The following TOX2 variants were observed in gnomAD, a reference collection of about 807,000 sequenced individuals.
TOX2 encodes the protein TOX high mobility group box family member 2.
Under a neutral mutation model 47.4 loss-of-function variants are expected in TOX2, and 15 were observed. The ratio of observed to expected loss-of-function variants is 0.32; its 90% CI spans 0.21 to 0.49. TOX2 has a LOEUF of 0.49. Ranked by LOEUF, TOX2 falls within the 20% of genes least tolerant of loss-of-function variation. The pLI is 0.99. For synonymous variants in TOX2, 290 were observed against 296.6 expected, an observed-to-expected ratio of 0.98 and a Z score of 0.23; for missense variants, 622 against 673.1, an observed-to-expected ratio of 0.92 and a Z score of 0.84.
At chr20:43,984,238 TC>T (rs2070223687) in intron 2 of TOX2, among the ~76,000 whole-genome samples, 1 of 152,224 alleles carries the variant, frequency 6.6e-6, no homozygotes, top group Non-Finnish European at 1.5e-5. Flanking sequence ...AGAACATGAT[TC>T]ATGAGTTCTG....
chr20:43,945,673 TCTG>T, intron 1 of TOX2: 1 of 483,850 alleles, frequency 2.1e-6, no homozygotes, highest in African/African-American at 2.0e-5. Flanking sequence ...TGCCTCCCCT[TCTG>T]CTCCCCGAGA....
intron 5 of TOX2, among the ~76,000 whole-genome samples, chr20:44,061,537 A>AAGGCCGAGGCGGG (rs2071718869): frequency 6.6e-6 from 1 of 152,136 alleles, no homozygotes; most frequent in African/African-American, 2.4e-5. Context: ...AATTGAAAGC[A>AAGGCCGAGGCGGG]TTCCCCTTGA....
At position 43,922,923 on chromosome 20, in the gene TOX2, C is replaced by T. The variant is rs562430431; in HGVS notation, c.99+7933C>T. ...AAAGTTTTATTTACTGGGTGAATGG[C>T]TATGTGGATTTGTAATCAATTGGCT... is the stretch of plus-strand genomic sequence containing the variant. On this transcript the variant is annotated intron_variant, in intron 1 of 8. Coordinates refer to ENST00000341197, the MANE Select transcript of TOX2 (RefSeq NM_001098797.2). Among the ~76,000 whole-genome samples, 22 of 152,220 alleles carry T rather than the reference C, an allele frequency of 1.4e-4. 1 individual carries two copies. In the South Asian group the frequency reaches 4.6e-3, roughly 32 times the overall value.
chr20:43,993,011 A>G (rs2070397926), intron 2 of TOX2, among the ~76,000 whole-genome samples: 2 of 152,124 alleles, frequency 1.3e-5, no homozygotes, highest in African/African-American at 2.4e-5. Flanking sequence ...TTCCTCCACC[A>G]GTGGCTCGAG....
intron 3 of TOX2, among the ~76,000 whole-genome samples, chr20:44,026,228 GATATATATAT>G (rs6147358): frequency 1.7e-5 from 1 of 60,244 alleles, no homozygotes; most frequent in Admixed American, 1.3e-4. Flanking sequence ...AAGAAACTGT[GATATATATAT>G]ATATATATAT....
rs148246263 is a variant in TOX2, at chr20:44,020,893, C to A, written c.411+14101C>A. On this transcript the variant is annotated intron_variant, in intron 3 of 8. Coordinates refer to ENST00000341197, the MANE Select transcript of TOX2 (RefSeq NM_001098797.2). ...AGGATGGTTGCAGACTTTTTCCCCC[C>A]AGAGGAACTCGAGGACCGACACCTC... Among the ~76,000 whole-genome samples the A allele has an allele frequency of 3.0e-3, 461 of 152,258 alleles. 1 individual carries two copies. Among genetic ancestry groups the A allele is most frequent in the African/African-American group, 0.01 (425 of 41,540 alleles).
chr20:44,015,301 A>G (rs1238794977), intron 3 of TOX2, among the ~76,000 whole-genome samples: 3 of 152,216 alleles, frequency 2.0e-5, no homozygotes, highest in Non-Finnish European at 4.4e-5. Flanking sequence ...AAATGGCTTT[A>G]AACAGCTTTT....
intron 3 of TOX2, among the ~76,000 whole-genome samples, chr20:44,023,284 G>T (rs1271557395): frequency 6.6e-6 from 1 of 151,636 alleles, no homozygotes; most frequent in Non-Finnish European, 1.5e-5. Context: ...CAAAAATTTA[G>T]CTGGATGTGG....
intron 2 of TOX2, among the ~76,000 whole-genome samples, chr20:43,989,826 A>G (rs1226274078): frequency 6.6e-6 from 1 of 151,654 alleles, no homozygotes; most frequent in Non-Finnish European, 1.5e-5. Flanking sequence ...ATCATCTCAT[A>G]GTTACTGCAT....
intron 1 of TOX2, chr20:43,946,162 A>G: frequency 1.4e-6 from 2 of 1,417,556 alleles, no homozygotes; most frequent in Non-Finnish European, 1.9e-6. Context: ...CACATTCTGG[A>G]ATGAAGATGC....
intron 3 of TOX2, among the ~76,000 whole-genome samples, chr20:44,029,349 G>A (rs1360390192): frequency 6.6e-6 from 1 of 152,222 alleles, no homozygotes; most frequent in African/African-American, 2.4e-5. Context: ...GTGGGTAAGA[G>A]GATGTGGTGA....
At chr20:44,052,767 C>A (rs1039245571) in intron 4 of TOX2, among the ~76,000 whole-genome samples, 5 of 152,164 alleles carry the variant, frequency 3.3e-5, no homozygotes, top group Admixed American at 3.3e-4. Context: ...TGTCACACAG[C>A]TAGTAAGTGG....
intron 2 of TOX2, among the ~76,000 whole-genome samples, chr20:43,982,387 C>T (rs1289175042): frequency 3.3e-5 from 5 of 152,096 alleles, no homozygotes; most frequent in African/African-American, 1.2e-4. Context: ...AAGGACACAA[C>T]AGCTTTTTTT....
intron 3 of TOX2, among the ~76,000 whole-genome samples, chr20:44,044,799 G>A (rs1448302324): frequency 6.6e-6 from 1 of 152,164 alleles, no homozygotes; most frequent in East Asian, 1.9e-4. Flanking sequence ...AGAATTGAAA[G>A]CAGAGGCTCC....
intron 1 of TOX2, among the ~76,000 whole-genome samples, chr20:43,943,587 A>G (rs1309649039): frequency 6.6e-6 from 1 of 152,178 alleles, no homozygotes; most frequent in Admixed American, 6.5e-5. Context: ...TCCTGATCAC[A>G]CATTGCTCCA....
intron 2 of TOX2, among the ~76,000 whole-genome samples, chr20:43,995,051 G>A (rs138107268): frequency 1.3e-4 from 19 of 151,676 alleles, no homozygotes; most frequent in East Asian, 3.9e-4. Context: ...CAGAATCCAC[G>A]CTTCATTTTA....
intron 1 of TOX2, among the ~76,000 whole-genome samples, chr20:43,945,087 C>T (rs917986542): frequency 6.6e-6 from 1 of 152,018 alleles, no homozygotes; most frequent in African/African-American, 2.4e-5. Flanking sequence ...TGGAAAGGAA[C>T]CAGGGGAGGT....
chr20:43,923,006 T>C (rs866694596), intron 1 of TOX2, among the ~76,000 whole-genome samples: 4 of 115,258 alleles, frequency 3.5e-5, no homozygotes, highest in African/African-American at 8.1e-5. Flanking sequence ...ATGCCGGGAG[T>C]GTGGGAAGGT....
chr20:44,010,710 C>T (rs59328657), intron 3 of TOX2, among the ~76,000 whole-genome samples: 1,822 of 152,196 alleles, frequency 0.012, 36 homozygotes, highest in African/African-American at 0.041. Context: ...GGCTTTCAAA[C>T]GTTTTCTTGC....
Sources: gnomAD v4.1 joint callset for allele counts (sites outside exome capture counted in the v4.1 genomes callset) on GRCh38, gnomAD v4.1.1 for gene constraint, MANE v1.5 for transcripts, NCBI Gene and HGNC (gene_info 2026-07-23, HGNC 2026-07-21) for gene names.